The following LRRC4C variants were observed in gnomAD, a reference collection of about 807,000 sequenced individuals.
LRRC4C encodes leucine rich repeat containing 4C, also known as leucine-rich repeat-containing protein 4C.
Under a neutral mutation model 33.6 loss-of-function variants are expected in LRRC4C, and 5 were observed. The observed-to-expected ratio is 0.15, with a 90% CI of 0.08 to 0.31. LRRC4C has a LOEUF of 0.31. Among genes scored for constraint, LRRC4C ranks in the 10% least tolerant of loss-of-function variants. LRRC4C has a pLI of 1.00. For missense variants in LRRC4C, 560 were observed against 796.7 expected, an observed-to-expected ratio of 0.70 and a Z score of 3.58; for synonymous variants, 329 against 302.0, an observed-to-expected ratio of 1.09 and a Z score of -0.93.
chr11:40,708,326 T>C (rs1179982834), intron 2 of LRRC4C, among the ~76,000 whole-genome samples: 1 of 152,236 alleles, frequency 6.6e-6, no homozygotes, highest in Non-Finnish European at 1.5e-5. Flanking sequence ...TTTAGATCTT[T>C]CCTGCTTTCT....
chr11:40,897,838 C>T (rs114451197), intron 2 of LRRC4C, among the ~76,000 whole-genome samples: 1,965 of 152,188 alleles, frequency 0.013, 40 homozygotes, highest in African/African-American at 0.045. Context: ...GATTGAAGAC[C>T]ACAGCTTGTT....
rs1947815725 is a variant in LRRC4C, at chr11:41,231,838, TAC to T, written c.-496+227591_-496+227592del. On this transcript the variant is annotated intron_variant, in intron 1 of 6. Transcript: ENST00000528697. ...AGATATACACATATATGTATATATA[TAC>T]ACACATATAGAAAGAGTAACTAGTC... Among the ~76,000 whole-genome samples, 3 of 151,902 alleles carry T rather than the reference TAC, an allele frequency of 2.0e-5. No individual in the cohort carries two copies. In the South Asian group the frequency reaches 6.2e-4, roughly 32 times the overall value.
At chr11:40,304,385 G>C (rs1415152407) in intron 4 of LRRC4C, among the ~76,000 whole-genome samples, 1 of 152,108 alleles carries the variant, frequency 6.6e-6, no homozygotes, top group Non-Finnish European at 1.5e-5. Flanking sequence ...CACAGCTTCT[G>C]GTAACATAAT....
Position 40,908,019 on chromosome 11 carries a change from C to G in LRRC4C, c.-407+25616G>C, listed in dbSNP as rs559708933. ...AACATAGGTATTGTTGTTACTTAAT[C>G]AGACACACAACTTCAGTTTAAGGGC... On this transcript the variant is annotated intron_variant, in intron 2 of 6. Transcript: ENST00000528697. Among the ~76,000 whole-genome samples, 120 of 152,224 alleles carry G rather than the reference C, an allele frequency of 7.9e-4. 2 individuals are homozygous for G. The South Asian group carries it at 0.023, about 30-fold the overall frequency.
chr11:40,778,914 T>G (rs1950113845), intron 2 of LRRC4C, among the ~76,000 whole-genome samples: 4 of 152,202 alleles, frequency 2.6e-5, no homozygotes, highest in Admixed American at 2.6e-4. Flanking sequence ...TTAGCCAATG[T>G]GTTTCACTTC....
intron 1 of LRRC4C, among the ~76,000 whole-genome samples, chr11:41,433,304 A>G (rs1249783039): frequency 6.6e-6 from 1 of 152,188 alleles, no homozygotes; most frequent in African/African-American, 2.4e-5. Flanking sequence ...TATAATTTTA[A>G]TCATACTCTG....
At chr11:41,137,980 A>G (rs538649225) in intron 1 of LRRC4C, among the ~76,000 whole-genome samples, 2 of 152,320 alleles carry the variant, frequency 1.3e-5, no homozygotes, top group East Asian at 3.9e-4. Context: ...GGGCATGCCA[A>G]CTGGGAGATG....
intron 4 of LRRC4C, among the ~76,000 whole-genome samples, chr11:40,298,756 G>T (rs1401854375): frequency 1.3e-5 from 2 of 152,086 alleles, no homozygotes; most frequent in Non-Finnish European, 2.9e-5. Flanking sequence ...GAGGCCTCAG[G>T]AAACTTACAA....
intron 4 of LRRC4C, among the ~76,000 whole-genome samples, chr11:40,251,352 G>A (rs538270291): frequency 1.3e-5 from 2 of 152,036 alleles, no homozygotes; most frequent in Admixed American, 6.6e-5. Flanking sequence ...CAGTGGGTGA[G>A]GCAAAATTCA....
chr11:41,128,682 T>C (rs963778462), intron 1 of LRRC4C, among the ~76,000 whole-genome samples: 1 of 152,106 alleles, frequency 6.6e-6, no homozygotes, highest in Non-Finnish European at 1.5e-5. Flanking sequence ...ATAAGTAATC[T>C]AATGCTCTGA....
At chr11:40,295,934 A>G (rs1188183233) in intron 4 of LRRC4C, among the ~76,000 whole-genome samples, 1 of 152,228 alleles carries the variant, frequency 6.6e-6, no homozygotes. Context: ...TAAAAAGTAC[A>G]TTCACTAGCT....
chr11:40,835,240 T>TA (rs1039382169), intron 2 of LRRC4C, among the ~76,000 whole-genome samples: 1 of 151,940 alleles, frequency 6.6e-6, no homozygotes, highest in Non-Finnish European at 1.5e-5. Context: ...TTGTAAAATA[T>TA]AAAAAAAGAG....
chr11:40,326,418 T>C (rs1193759698), intron 3 of LRRC4C, among the ~76,000 whole-genome samples: 3 of 151,850 alleles, frequency 2.0e-5, no homozygotes, highest in Non-Finnish European at 2.9e-5. Flanking sequence ...AAAAATTAGC[T>C]GGGCATGGTG....
chr11:40,405,378 G>A (rs1046525471), intron 3 of LRRC4C, among the ~76,000 whole-genome samples: 6 of 151,992 alleles, frequency 3.9e-5, no homozygotes, highest in South Asian at 2.1e-4. Flanking sequence ...GCTCACGCCT[G>A]TAATCCCAGC....
intron 1 of LRRC4C, among the ~76,000 whole-genome samples, chr11:41,224,879 T>C (rs1947461780): frequency 6.6e-6 from 1 of 152,184 alleles, no homozygotes; most frequent in African/African-American, 2.4e-5. Flanking sequence ...GCACCCTAAG[T>C]GTCCATCAAC....
At chr11:41,136,222 T>C (rs1277444020) in intron 1 of LRRC4C, among the ~76,000 whole-genome samples, 1 of 152,208 alleles carries the variant, frequency 6.6e-6, no homozygotes, top group Non-Finnish European at 1.5e-5. Flanking sequence ...TTTCTGGTTT[T>C]CTGGCTTCTG....
intron 2 of LRRC4C, among the ~76,000 whole-genome samples, chr11:40,678,910 T>C (rs998623864): frequency 1.3e-5 from 2 of 152,132 alleles, no homozygotes; most frequent in African/African-American, 4.8e-5. Context: ...GAAGCAACTT[T>C]GGAACTGGGT....
chr11:40,926,775 C>T (rs905309870), intron 2 of LRRC4C, among the ~76,000 whole-genome samples: 2 of 151,484 alleles, frequency 1.3e-5, no homozygotes, highest in African/African-American at 4.9e-5. Context: ...CTATGCAAAC[C>T]TTAAAAGTTA....
intron 1 of LRRC4C, among the ~76,000 whole-genome samples, chr11:41,208,510 A>T (rs1222683296): frequency 6.6e-6 from 1 of 152,190 alleles, no homozygotes; most frequent in East Asian, 1.9e-4. Context: ...TTACCCACAG[A>T]ATTTAATCAG....
Sources: gnomAD v4.1 joint callset for allele counts (sites outside exome capture counted in the v4.1 genomes callset) on GRCh38, gnomAD v4.1.1 for gene constraint, MANE v1.5 for transcripts, NCBI Gene and HGNC (gene_info 2026-07-23, HGNC 2026-07-21) for gene names.